The following PPME1 variants were observed in gnomAD, a reference collection of about 807,000 sequenced individuals.
PPME1 encodes protein phosphatase methylesterase 1, also known as testicular secretory protein Li 39.
Under a neutral mutation model 56.9 loss-of-function variants are expected in PPME1, and 17 were observed. The ratio of observed to expected loss-of-function variants is 0.30; its 90% CI spans 0.20 to 0.45. The LOEUF is 0.45. PPME1 is among the 20% of genes least tolerant of loss of function. The pLI is 1.00. For missense variants in PPME1, 357 were observed against 483.2 expected, an observed-to-expected ratio of 0.74 and a Z score of 2.45; for synonymous variants, 122 against 156.2, an observed-to-expected ratio of 0.78 and a Z score of 1.63.
At chr11:74,186,589 T>C (rs1857688723) in intron 1 of PPME1, among the ~76,000 whole-genome samples, 1 of 152,168 alleles carries the variant, frequency 6.6e-6, no homozygotes, top group African/African-American at 2.4e-5. Context: ...AGAAATTAAT[T>C]CCTGTGTTTA....
chr11:74,224,552 G>C (rs1234383976), intron 4 of PPME1, among the ~76,000 whole-genome samples: 63 of 132,768 alleles, frequency 4.7e-4, no homozygotes, highest in African/African-American at 2.1e-3. Context: ...CCATTTTCAC[G>C]ATATTGATTC....
intron 1 of PPME1, among the ~76,000 whole-genome samples, chr11:74,189,570 T>G (rs988598944): frequency 1.4e-4 from 21 of 152,364 alleles, no homozygotes; most frequent in African/African-American, 4.8e-4. Flanking sequence ...ATTGCAGGCA[T>G]GAGCCACTGC....
Position 74,239,151 on chromosome 11 carries a change from T to C in PPME1, c.729T>C (p.Ser243=), listed in dbSNP as rs1859280341. Residue 243 remains serine, a synonymous_variant, in exon 9 of 14, where the codon AGT becomes AGC. Transcript: ENST00000328257. The part of the protein sequence containing the change: ...GQVKQCEGIT[S]PEGSKSIVEG... Reference sequence around the variant, plus strand: ...AACCTAGGTGTGAAGGAATTACAAGTCCAGAAGGCTCAAAATCTATAGTGG... The same window carrying C: ...AACCTAGGTGTGAAGGAATTACAAGCCCAGAAGGCTCAAAATCTATAGTGG... 6.2e-7 allele frequency: 1 copy of C among 1,612,984 alleles called. No individual in the cohort carries two copies.
At chr11:74,217,537 G>C (rs868655061) in intron 3 of PPME1, among the ~76,000 whole-genome samples, 2 of 88,286 alleles carry the variant, frequency 2.3e-5, no homozygotes, top group East Asian at 6.7e-4. Context: ...GCAAGACTCC[G>C]TCTCAAAAAA....
chr11:74,245,670 C>T (rs1859484406), intron 9 of PPME1, among the ~76,000 whole-genome samples: 1 of 152,094 alleles, frequency 6.6e-6, no homozygotes, highest in Non-Finnish European at 1.5e-5. Flanking sequence ...ACTTAGATGA[C>T]ATGTTGTAAT....
At chr11:74,171,891 T>G (rs1370274687) in intron 1 of PPME1, among the ~76,000 whole-genome samples, 1 of 151,868 alleles carries the variant, frequency 6.6e-6, no homozygotes, top group Admixed American at 6.6e-5. Context: ...GGGGAATGAC[T>G]GAGAGAAAAG....
intron 5 of PPME1, among the ~76,000 whole-genome samples, chr11:74,229,979 A>G (rs1367975684): frequency 1.3e-5 from 2 of 152,370 alleles, no homozygotes; most frequent in South Asian, 2.1e-4. Flanking sequence ...TATGTGGAAC[A>G]GTGAAAGTGT....
chr11:74,220,527 T>C (rs949985387), intron 3 of PPME1, among the ~76,000 whole-genome samples: 1 of 152,298 alleles, frequency 6.6e-6, no homozygotes, highest in East Asian at 1.9e-4. Context: ...GATTTGAAAA[T>C]TGGCTCTGTC....
intron 9 of PPME1, 69 bp from the exon 10 acceptor site, chr11:74,246,007 A>G: frequency 6.6e-7 from 1 of 1,515,876 alleles, no homozygotes; most frequent in Non-Finnish European, 8.8e-7. Context: ...TTTCCCAGGG[A>G]TCTAGTTTTT....
At chr11:74,241,584 T>G (rs1859361696) in intron 9 of PPME1, among the ~76,000 whole-genome samples, 1 of 152,250 alleles carries the variant, frequency 6.6e-6, no homozygotes, top group Non-Finnish European at 1.5e-5. Context: ...CCAAAGCAGG[T>G]GCACCCTTTT....
chr11:74,199,822 G>C (rs1858101072), intron 1 of PPME1, among the ~76,000 whole-genome samples: 1 of 152,162 alleles, frequency 6.6e-6, no homozygotes, highest in African/African-American at 2.4e-5. Context: ...TGGCAGACAA[G>C]AGAGAATTGA....
chr11:74,250,626 A>G, intron 11 of PPME1: 1 of 229,464 alleles, frequency 4.4e-6, no homozygotes, highest in Non-Finnish European at 8.6e-6. Context: ...TAGGAATGAC[A>G]TGCTGCATTA....
chr11:74,222,770 T>G (rs115498545), intron 4 of PPME1: 8,129 of 190,608 alleles, frequency 0.043, 284 homozygotes, highest in African/African-American at 0.099. Context: ...ATCACAGGTG[T>G]GAGCCACTGC....
At chr11:74,237,722 A>G (rs1859233215) in intron 8 of PPME1, 2 of 152,326 alleles carry the variant, frequency 1.3e-5, no homozygotes, top group Middle Eastern at 3.4e-3. Context: ...TCAGAGAGGT[A>G]GTTTCCCAAG....
chr11:74,180,414 C>T (rs1565374227), intron 1 of PPME1, among the ~76,000 whole-genome samples: 1 of 152,094 alleles, frequency 6.6e-6, no homozygotes, highest in African/African-American at 2.4e-5. Context: ...TATTTAACCC[C>T]GTTCTATAAG....
At chr11:74,220,380 A>T (rs1289517972) in intron 3 of PPME1, among the ~76,000 whole-genome samples, 4 of 152,200 alleles carry the variant, frequency 2.6e-5, no homozygotes, top group Non-Finnish European at 5.9e-5. Context: ...TATACATTAG[A>T]ATCACCTGGA....
intron 3 of PPME1, among the ~76,000 whole-genome samples, chr11:74,206,377 T>TA (rs1343644180): frequency 2.6e-5 from 4 of 152,192 alleles, no homozygotes; most frequent in Admixed American, 2.0e-4. Flanking sequence ...TACTGGAAAC[T>TA]ATTTTCAAGG....
chr11:74,187,144 T>G (rs997256462), intron 1 of PPME1, among the ~76,000 whole-genome samples: 1 of 152,232 alleles, frequency 6.6e-6, no homozygotes, highest in East Asian at 1.9e-4. Context: ...GTCTTTTGAT[T>G]ACTGTAGCTT....
chr11:74,183,134 A>G (rs1375785973), intron 1 of PPME1, among the ~76,000 whole-genome samples: 1 of 152,022 alleles, frequency 6.6e-6, no homozygotes, highest in Non-Finnish European at 1.5e-5. Context: ...ACATCGCTAC[A>G]AAAAGTTAAA....
Sources: allele counts gnomAD v4.1 joint callset (sites outside exome capture counted in the v4.1 genomes callset), GRCh38; gene constraint gnomAD v4.1.1; transcripts MANE v1.5; gene names NCBI Gene and HGNC (gene_info 2026-07-23, HGNC 2026-07-21).